The following SLFN12 variants were observed in gnomAD, a reference collection of about 807,000 sequenced individuals.
The protein encoded by SLFN12 is schlafen family member 12, also known as ribonuclease SLFN12.
In SLFN12, 25 loss-of-function variants were observed where a neutral mutation model predicts 29.1. The observed-to-expected ratio is 0.86, with a 90% CI of 0.63 to 1.20. The LOEUF is 1.20. Among genes scored for constraint, SLFN12 ranks in the 50% most tolerant of loss-of-function variants. The probability of loss-of-function intolerance (pLI) is 0.00; values close to 1 mark genes in which losing one functional copy is unlikely to be tolerated. For synonymous variants in SLFN12, 257 were observed against 238.7 expected (o/e 1.08, Z -0.71); for missense variants, 660 against 666.2 (o/e 0.99, Z 0.10).
intron 1 of SLFN12, among the ~76,000 whole-genome samples, chr17:35,429,156 C>T (rs1204092204): frequency 6.6e-6 from 1 of 152,036 alleles, no homozygotes; most frequent in Non-Finnish European, 1.5e-5. Context: ...TCTGTGTAAA[C>T]TTTTTTGCCT....
chr17:35,420,390 C>T lies in SLFN12; in HGVS notation c.1040-9G>A. 1.3e-6 allele frequency: 2 copies of T among 1,571,850 alleles called. No individual in the cohort carries two copies. On this transcript the variant is annotated splice_polypyrimidine_tract_variant and intron_variant, in intron 2 of 3. Coordinates refer to ENST00000304905, the MANE Select transcript of SLFN12 (RefSeq NM_018042.5). ...ATATGAACTGGAAAATTCTTAAAAACAAAAATATCACATTCTTAATTTCGC... is the reference window on the plus strand; with the variant it reads ...ATATGAACTGGAAAATTCTTAAAAATAAAAATATCACATTCTTAATTTCGC...
chr17:35,425,293 T>C (rs1234721391), intron 1 of SLFN12, among the ~76,000 whole-genome samples: 2 of 152,062 alleles, frequency 1.3e-5, no homozygotes, highest in Admixed American at 1.3e-4. Flanking sequence ...AAAGACCCTG[T>C]CTCCAAATAA....
Position 35,415,737 on chromosome 17 carries a change from A to G in SLFN12, c.1148-3810T>C, listed in dbSNP as rs946707778. ...ACAATTCTCAAAAGAAGATATACAAATGGCCAATGAACATGAAAATATGCT... is the reference window on the plus strand; with the variant it reads ...ACAATTCTCAAAAGAAGATATACAAGTGGCCAATGAACATGAAAATATGCT... On this transcript the variant is annotated intron_variant, in intron 3 of 3. Coordinates refer to ENST00000304905, the MANE Select transcript of SLFN12 (RefSeq NM_018042.5). 2.0e-5 allele frequency among the ~76,000 whole-genome samples: 3 copies of G among 152,154 alleles called. No homozygotes were observed. The South Asian group carries it at 6.2e-4, about 31-fold the overall frequency.
intron 1 of SLFN12, among the ~76,000 whole-genome samples, chr17:35,426,422 A>G (rs986936352): frequency 1.3e-5 from 2 of 152,058 alleles, no homozygotes; most frequent in Non-Finnish European, 2.9e-5. Context: ...TAGTTTTATA[A>G]TTTCAGCTAT....
At chr17:35,426,474 T>C (rs988956375) in intron 1 of SLFN12, among the ~76,000 whole-genome samples, 4 of 152,108 alleles carry the variant, frequency 2.6e-5, no homozygotes, top group African/African-American at 7.2e-5. Context: ...ATTTTTGTAT[T>C]TGGTGTGAGA....
At chr17:35,426,135 A>G (rs1912009534) in intron 1 of SLFN12, among the ~76,000 whole-genome samples, 1 of 145,662 alleles carries the variant, frequency 6.9e-6, no homozygotes, top group Non-Finnish European at 1.5e-5. Flanking sequence ...CCCATTTTTT[A>G]ATCTGTTTTT....
At chr17:35,419,568 C>A (rs186714806) in intron 3 of SLFN12, among the ~76,000 whole-genome samples, 1 of 152,076 alleles carries the variant, frequency 6.6e-6, no homozygotes, top group African/African-American at 2.4e-5. Flanking sequence ...AAAGACATAC[C>A]ATTTTATACA....
rs1000723247 is a variant in SLFN12, at chr17:35,411,214, C to T, written c.*124G>A. The stretch of plus-strand genomic sequence containing the variant: ...GGGAGAAGTGAAAATAGACAAAACC[C>T]AATTATCCAACATCACATTAAGTTG... On this transcript the variant is annotated 3_prime_UTR_variant, in exon 4 of 4. Transcript: ENST00000304905. 8 of 676,960 alleles carry T rather than the reference C, an allele frequency of 1.2e-5. No homozygotes were observed. The highest frequency in any genetic ancestry group is 1.9e-5 in the Non-Finnish European group (8 of 418,784). 41.9% of individuals were successfully genotyped at this position (676,960 alleles called of 1,614,324 possible).
rs770312963 is a variant in SLFN12, at chr17:35,422,242, CTCTT to C, written c.783_786del (p.Arg262LysfsTer21). The C allele has an allele frequency of 1.5e-5, 24 of 1,614,010 alleles. No homozygotes were observed. Among genetic ancestry groups the C allele is most frequent in the Non-Finnish European group, 1.9e-5 (22 of 1,180,030 alleles). On this transcript the variant is annotated frameshift_variant, in exon 2 of 4. Transcript: ENST00000304905. LOFTEE classifies it high-confidence loss of function. ...ATCTTCCTAATGGACTTTTCGATTT[CTCTT>C]TCTAAGTCATCGAGGTCACTCATCT... is the stretch of plus-strand genomic sequence containing the variant.
chr17:35,411,161 C>T lies in SLFN12; in HGVS notation c.*177G>A, dbSNP rs533047056. On this transcript the variant is annotated 3_prime_UTR_variant, in exon 4 of 4. Transcript: ENST00000304905. Reference sequence around the variant, plus strand: ...TAACAAATTAATTTTCCTAATATCCCTCAAACAATATCTGTGAAGATTATT... The same window carrying T: ...TAACAAATTAATTTTCCTAATATCCTTCAAACAATATCTGTGAAGATTATT... The T allele has an allele frequency of 2.0e-4, 105 of 518,282 alleles. No homozygotes were observed. The highest frequency in any genetic ancestry group is 2.0e-3 in the African/African-American group (102 of 51,668). 32.1% of individuals were successfully genotyped at this position (518,282 alleles called of 1,614,324 possible). A position where few individuals can be genotyped will look rare whatever the true frequency, so the allele number is the denominator to read the frequency against.
intron 1 of SLFN12, among the ~76,000 whole-genome samples, chr17:35,429,807 G>A (rs574475167): frequency 3.3e-5 from 5 of 152,062 alleles, no homozygotes; most frequent in South Asian, 2.1e-4. Flanking sequence ...AAACCAGCAG[G>A]GCATGAGGGT....
intron 1 of SLFN12, among the ~76,000 whole-genome samples, chr17:35,429,752 A>G (rs1032601409): frequency 1.3e-5 from 2 of 152,032 alleles, no homozygotes; most frequent in African/African-American, 4.8e-5. Context: ...CTTTGCATTT[A>G]GTTCAGGACA....
intron 1 of SLFN12, among the ~76,000 whole-genome samples, chr17:35,425,635 C>G (rs1911965614): frequency 6.6e-6 from 1 of 151,804 alleles, no homozygotes; most frequent in African/African-American, 2.4e-5. Context: ...ATTTTATTAT[C>G]TATATGTACC....
At chr17:35,418,095 T>C (rs575239605) in intron 3 of SLFN12, among the ~76,000 whole-genome samples, 1 of 152,262 alleles carries the variant, frequency 6.6e-6, no homozygotes, top group Admixed American at 6.5e-5. Context: ...TTTTTTGGCA[T>C]TTAAGCAGAT....
intron 1 of SLFN12, among the ~76,000 whole-genome samples, chr17:35,428,668 A>G (rs1042877476): frequency 3.1e-4 from 47 of 152,132 alleles, no homozygotes; most frequent in African/African-American, 1.1e-3. Context: ...AAAAAAAGAG[A>G]ACCTAAGTGG....
rs1275518152 is a variant in SLFN12, at chr17:35,411,146, A to C, written c.*192T>G. On this transcript the variant is annotated 3_prime_UTR_variant, in exon 4 of 4. Transcript: ENST00000304905. ...TGTGCACAGACGAGTTAACAAATTA[A>C]TTTTCCTAATATCCCTCAAACAATA... 2 of 487,482 alleles carry C rather than the reference A, an allele frequency of 4.1e-6. No individual in the cohort carries two copies. Among genetic ancestry groups the C allele is most frequent in the Non-Finnish European group, 7.2e-6 (2 of 278,140 alleles). 30.2% of individuals were successfully genotyped at this position (487,482 alleles called of 1,614,324 possible).
rs993823995 is a variant in SLFN12 at position 35,411,622 on chromosome 17, C to T, written c.1453G>A (p.Gly485Ser). Residue 485 changes from glycine to serine, a missense_variant, in exon 4 of 4, where the codon GGT becomes AGT. By Grantham distance (56) the Gly-to-Ser change is moderately conservative. Coordinates refer to ENST00000304905, the MANE Select transcript of SLFN12 (RefSeq NM_018042.5). ...ACACACACTTTTTTAGTGTAACCACCAATTTTTGCCAGCTTCTGCTTTAAG... is the reference window on the plus strand; with the variant it reads ...ACACACACTTTTTTAGTGTAACCACTAATTTTTGCCAGCTTCTGCTTTAAG... ...LTLKQKLAKIGGYTKKVCVMT... is the reference protein window; with the variant it reads ...LTLKQKLAKISGYTKKVCVMT... 1.2e-6 allele frequency: 2 copies of T among 1,614,042 alleles called. No homozygotes were observed. The highest frequency in any genetic ancestry group is 1.7e-6 in the Non-Finnish European group (2 of 1,180,004).
rs569306304 is a variant in SLFN12 at position 35,431,168 on chromosome 17, G to T, written c.-41+1020C>A. On this transcript the variant is annotated intron_variant, in intron 1 of 3. Coordinates refer to ENST00000304905, the MANE Select transcript of SLFN12 (RefSeq NM_018042.5). ...GCCCATCGGGTAGCCAAATGTACCT[G>T]AAGCTTTGATTGTCTTCCCAGGAAT... Among the ~76,000 whole-genome samples, 269 of 152,150 alleles carry T rather than the reference G, an allele frequency of 1.8e-3. 2 individuals carry two copies. The highest frequency in any genetic ancestry group is 2.5e-3 in the Non-Finnish European group (168 of 68,016).
intron 3 of SLFN12, among the ~76,000 whole-genome samples, chr17:35,412,634 T>C (rs1911087988): frequency 6.6e-6 from 1 of 152,074 alleles, no homozygotes. Context: ...GAAGTAAATA[T>C]AGCCCTTTTT....
Sources: gnomAD v4.1 joint callset for allele counts (sites outside exome capture counted in the v4.1 genomes callset) on GRCh38, gnomAD v4.1.1 for gene constraint, MANE v1.5 for transcripts, NCBI Gene and HGNC (gene_info 2026-07-23, HGNC 2026-07-21) for gene names.